The following DNAH14 variants were observed in gnomAD, a reference collection of about 807,000 sequenced individuals.
DNAH14 encodes the protein axonemal beta dynein heavy chain 14.
A neutral mutation model predicts 520.9 loss-of-function variants in DNAH14; 478 were observed. That is an observed-to-expected ratio of 0.92 (90% CI 0.85 to 0.99). The LOEUF (loss-of-function observed/expected upper bound fraction) is 0.99, where lower values mean the gene tolerates loss of function less well. DNAH14 is among the 50% of genes least tolerant of loss of function. The probability of loss-of-function intolerance (pLI) is 0.00; values close to 1 mark genes in which losing one functional copy is unlikely to be tolerated. For synonymous variants in DNAH14, 1,581 were observed against 1,757.2 expected (o/e 0.90, Z 2.51); for missense variants, 4,831 against 5,234.5 (o/e 0.92, Z 2.38).
intron 54 of DNAH14, among the ~76,000 whole-genome samples, chr1:225,283,909 C>A (rs2093681400): frequency 1.3e-5 from 2 of 152,022 alleles, no homozygotes; most frequent in African/African-American, 2.4e-5. Flanking sequence ...CTATGTGGAA[C>A]TTTTACAACG....
intron 41 of DNAH14, among the ~76,000 whole-genome samples, chr1:225,223,725 TG>T (rs1301284408): frequency 6.6e-6 from 1 of 152,154 alleles, no homozygotes; most frequent in Admixed American, 6.5e-5. Context: ...GAGAAAAATT[TG>T]CATTTACCAC....
At chr1:225,185,248 T>TA in intron 36 of DNAH14, 43 bp from the exon 37 acceptor site, 1 of 1,528,576 alleles carries the variant, frequency 6.5e-7, no homozygotes, top group Non-Finnish European at 8.8e-7. Context: ...TTAATAAACT[T>TA]AAAATCATTA....
chr1:225,118,901 A>AAAG (rs2077081482), intron 25 of DNAH14, among the ~76,000 whole-genome samples: 1 of 151,506 alleles, frequency 6.6e-6, no homozygotes, highest in African/African-American at 2.4e-5. Context: ...AAAAAAAAAA[A>AAAG]AAAGAAAAGA....
chr1:225,126,157 G>T (rs1420759834), intron 27 of DNAH14, among the ~76,000 whole-genome samples: 1 of 152,146 alleles, frequency 6.6e-6, no homozygotes, highest in East Asian at 1.9e-4. Flanking sequence ...TAATGAAAAG[G>T]TTGGAAATAT....
chr1:225,028,201 G>A (rs1302464979), intron 11 of DNAH14, among the ~76,000 whole-genome samples: 4 of 152,074 alleles, frequency 2.6e-5, no homozygotes, highest in East Asian at 1.9e-4. Flanking sequence ...ATGAAGGATC[G>A]GTGTTAATTC....
chr1:225,385,808 G>C (rs2095834994), intron 81 of DNAH14, among the ~76,000 whole-genome samples: 1 of 152,052 alleles, frequency 6.6e-6, no homozygotes, highest in Admixed American at 6.6e-5. Flanking sequence ...TACTACCCAA[G>C]GTAATTTATA....
intron 42 of DNAH14, 69 bp from the exon 43 acceptor site, chr1:225,240,524 G>A: frequency 1.1e-6 from 1 of 933,798 alleles, no homozygotes; most frequent in Non-Finnish European, 1.6e-6. Context: ...TTATATTAAA[G>A]TAAATTTCTA....
Position 225,081,438 on chromosome 1 carries a change from T to C in DNAH14, c.3136+690T>C, listed in dbSNP as rs183742300. Among the ~76,000 whole-genome samples, 265 of 152,330 alleles carry C rather than the reference T, an allele frequency of 1.7e-3. 1 individual carries two copies. The highest frequency in any genetic ancestry group is 3.4e-3 in the Middle Eastern group (1 of 294). On this transcript the variant is annotated intron_variant, in intron 19 of 85. Transcript: ENST00000682510. ...TGGGGGCAAATCATAGTCTCAAGGC[T>C]TTAACATAACACTGATTGTGTGCAT...
chr1:224,953,929 A>G (rs1251193874), intron 2 of DNAH14, among the ~76,000 whole-genome samples: 1 of 152,214 alleles, frequency 6.6e-6, no homozygotes, highest in Non-Finnish European at 1.5e-5. Flanking sequence ...CAAACCATAA[A>G]GGAAAAGGTA....
At position 225,206,195 on chromosome 1, in the gene DNAH14, C is replaced by T. The variant is rs1325719866; in HGVS notation, c.6186+16C>T. The T allele has an allele frequency of 1.3e-6, 2 of 1,525,246 alleles. No homozygotes were observed. Among genetic ancestry groups the T allele is most frequent in the African/African-American group, 1.4e-5 (1 of 72,558 alleles). 94.5% of individuals were successfully genotyped at this position (1,525,246 alleles called of 1,614,324 possible). A position where few individuals can be genotyped will look rare whatever the true frequency, so the allele number is the denominator to read the frequency against. On this transcript the variant is annotated intron_variant, in intron 40 of 85. Transcript: ENST00000682510. ...GGTCTATATGGTAAGCTTTCAAAAA[C>T]AAATGTTTTAACAAAGCAAAAATGT...
Position 225,043,807 on chromosome 1 carries a change from T to A in DNAH14, c.1814+18T>A. 3.4e-6 allele frequency: 5 copies of A among 1,460,928 alleles called. No homozygotes were observed. The highest frequency in any genetic ancestry group is 4.7e-6 in the Non-Finnish European group (5 of 1,070,550). 90.5% of individuals were successfully genotyped at this position (1,460,928 alleles called of 1,614,324 possible). A position where few individuals can be genotyped will look rare whatever the true frequency, so the allele number is the denominator to read the frequency against. Reference sequence around the variant, plus strand: ...TATTATGAGTAAGTATTAGACATTTTAAAAATTACGAGTAATTGTATTTTA... The same window carrying A: ...TATTATGAGTAAGTATTAGACATTTAAAAAATTACGAGTAATTGTATTTTA... On this transcript the variant is annotated intron_variant, in intron 14 of 85. Transcript: ENST00000682510.
intron 61 of DNAH14, among the ~76,000 whole-genome samples, chr1:225,318,929 T>C (rs2094512682): frequency 6.6e-6 from 1 of 152,168 alleles, no homozygotes; most frequent in African/African-American, 2.4e-5. Flanking sequence ...GAAGAAAAAA[T>C]GCTGCCAGTT....
At chr1:225,376,938 T>C (rs2095708367) in intron 78 of DNAH14, among the ~76,000 whole-genome samples, 1 of 151,556 alleles carries the variant, frequency 6.6e-6, no homozygotes, top group African/African-American at 2.4e-5. Flanking sequence ...TCATTATCTA[T>C]GGGTGGTCAG....
chr1:225,316,093 T>G (rs1300047406), intron 60 of DNAH14, among the ~76,000 whole-genome samples: 1 of 152,194 alleles, frequency 6.6e-6, no homozygotes, highest in African/African-American at 2.4e-5. Flanking sequence ...ACAGCGGCTT[T>G]GCAGCACTGA....
At chr1:225,335,528 C>A (rs1433654604) in intron 66 of DNAH14, among the ~76,000 whole-genome samples, 1 of 128,442 alleles carries the variant, frequency 7.8e-6, no homozygotes, top group Non-Finnish European at 1.8e-5. Context: ...TACATATATA[C>A]ATATGTACAT....
chr1:225,099,491 A>G (rs1281470613), intron 22 of DNAH14, among the ~76,000 whole-genome samples: 2 of 152,100 alleles, frequency 1.3e-5, no homozygotes, highest in East Asian at 3.9e-4. Context: ...TCTAGTGGGT[A>G]TAGGCCAGGA....
At chr1:225,042,721 C>G in intron 12 of DNAH14, 114 bp from the exon 13 acceptor site, 1 of 1,138,262 alleles carries the variant, frequency 8.8e-7, no homozygotes, top group Non-Finnish European at 1.2e-6. Context: ...TACAGTGTTA[C>G]TCGGTTATAC....
intron 6 of DNAH14, chr1:224,967,836 G>A (rs2061281383): frequency 1.5e-6 from 2 of 1,310,738 alleles, no homozygotes; most frequent in Non-Finnish European, 1.9e-6. Context: ...AATACTTGGG[G>A]TAAATTTTTA....
At chr1:224,936,803 G>A (rs905553359) in intron 1 of DNAH14, among the ~76,000 whole-genome samples, 2 of 151,888 alleles carry the variant, frequency 1.3e-5, no homozygotes, top group Non-Finnish European at 2.9e-5. Context: ...GATGAAGATA[G>A]ATGCAGAAAT....
Sources: gnomAD v4.1 joint callset for allele counts (sites outside exome capture counted in the v4.1 genomes callset) on GRCh38, gnomAD v4.1.1 for gene constraint, MANE v1.5 for transcripts, NCBI Gene and HGNC (gene_info 2026-07-23, HGNC 2026-07-21) for gene names.